DGAT2: variants seen among roughly 807,000 people sequenced by gnomAD.
DGAT2 encodes the protein diacylglycerol O-acyltransferase 2, also known as acyl-CoA retinol O-fatty-acyltransferase.
DGAT2 carries 33 observed loss-of-function variants against 48.4 expected under a neutral mutation model. The ratio of observed to expected loss-of-function variants is 0.68; its 90% CI spans 0.52 to 0.91. The LOEUF (loss-of-function observed/expected upper bound fraction) is 0.91. Ranked by LOEUF, DGAT2 falls within the 40% of genes least tolerant of loss-of-function variation. DGAT2 has a pLI of 0.00. For synonymous variants in DGAT2, 191 were observed against 194.1 expected (o/e 0.98, Z 0.13); for missense variants, 446 against 493.7 (o/e 0.90, Z 0.92).
intron 4 of DGAT2, chr11:75,794,902 TCTC>T (rs1945031379): frequency 6.7e-6 from 1 of 149,558 alleles, no homozygotes; most frequent in African/African-American, 2.5e-5. Context: ...TCTAGGAGTT[TCTC>T]TTCTTTTCCC....
intron 2 of DGAT2, among the ~76,000 whole-genome samples, chr11:75,787,426 T>C (rs1038755978): frequency 3.9e-5 from 6 of 152,228 alleles, no homozygotes; most frequent in African/African-American, 1.4e-4. Flanking sequence ...TTCCCTGCCA[T>C]TGAGCATCCA....
At position 75,800,654 on chromosome 11, in the gene DGAT2, T is replaced by A; in HGVS notation, c.*146T>A. 9.4e-7 allele frequency: 1 copy of A among 1,062,666 alleles called. No homozygotes were observed. Among genetic ancestry groups the A allele is most frequent in the Non-Finnish European group, 1.3e-6 (1 of 759,204 alleles). The allele number at this position is 1,062,666 out of a possible 1,614,324, so 65.8% of individuals were successfully genotyped here. A position where few individuals can be genotyped will look rare whatever the true frequency, so the allele number is the denominator to read the frequency against. On this transcript the variant is annotated 3_prime_UTR_variant, in exon 8 of 8. Coordinates refer to ENST00000228027, the MANE Select transcript of DGAT2 (RefSeq NM_032564.5). ...AACCATTACAATGTTAGGTCTTTTTTAAGAAGGAAAAAGTCAGTATTTCAA... is the reference window on the plus strand; with the variant it reads ...AACCATTACAATGTTAGGTCTTTTTAAAGAAGGAAAAAGTCAGTATTTCAA...
intron 1 of DGAT2, among the ~76,000 whole-genome samples, chr11:75,781,507 A>G (rs757249260): frequency 1.2e-4 from 19 of 152,236 alleles, no homozygotes; most frequent in Admixed American, 6.5e-4. Flanking sequence ...GCAGAGGTGC[A>G]GTCCTCCCAG....
At chr11:75,796,593 C>T (rs548140198) in intron 5 of DGAT2, 61 bp downstream of exon 5, 133 of 1,542,050 alleles carry the variant, frequency 8.6e-5, no homozygotes, top group Non-Finnish European at 1.1e-4. Flanking sequence ...GCCTCTCCAT[C>T]GGGCAGGGTG....
At chr11:75,778,672 A>G (rs1425906529) in intron 1 of DGAT2, among the ~76,000 whole-genome samples, 1 of 151,882 alleles carries the variant, frequency 6.6e-6, no homozygotes, top group Non-Finnish European at 1.5e-5. Context: ...ATCTCTACCA[A>G]AAATACAAAT....
At chr11:75,780,830 A>C (rs770008311) in intron 1 of DGAT2, among the ~76,000 whole-genome samples, 1 of 152,246 alleles carries the variant, frequency 6.6e-6, no homozygotes, top group Non-Finnish European at 1.5e-5. Flanking sequence ...CCAAACTCAC[A>C]GGAGTCCAAG....
At chr11:75,774,011 A>G (rs1010632571) in intron 1 of DGAT2, 2 of 152,324 alleles carry the variant, frequency 1.3e-5, no homozygotes, top group African/African-American at 4.8e-5. Context: ...TGAGTGACCA[A>G]CTGAGGCTGA....
intron 1 of DGAT2, among the ~76,000 whole-genome samples, chr11:75,782,754 T>C (rs1321679053): frequency 6.6e-6 from 1 of 152,240 alleles, no homozygotes; most frequent in African/African-American, 2.4e-5. Flanking sequence ...ACCCTCCGAC[T>C]GTGTCCTGTG....
rs774985524 is a variant in DGAT2 at position 75,790,261 on chromosome 11, TTGGC to T, written c.328_331del (p.Leu110CysfsTer35). The T allele has an allele frequency of 1.2e-6, 2 of 1,614,168 alleles. No individual in the cohort carries two copies. Among genetic ancestry groups the T allele is most frequent in the Non-Finnish European group, 1.7e-6 (2 of 1,180,010 alleles). On this transcript the variant is annotated frameshift_variant, in exon 3 of 8. Transcript: ENST00000228027. LOFTEE classifies it high-confidence loss of function. ...GGCTCATCGCTGTGCTCTACTTCAC[TTGGC>T]TGGTGTTTGACTGGAACACACCCAA...
rs547044248 is a variant in DGAT2, at chr11:75,777,201, T to G, written c.122-7417T>G. 5.9e-5 allele frequency among the ~76,000 whole-genome samples: 9 copies of G among 151,328 alleles called. No individual in the cohort carries two copies. The East Asian group carries it at 1.4e-3, about 23-fold the overall frequency. On this transcript the variant is annotated intron_variant, in intron 1 of 7. Transcript: ENST00000228027. ...GTTCACACCTCTCTTAGCTGGCATC[T>G]TTCTGGCTCTCTCACATTGATGCCA...
chr11:75,777,732 C>T (rs907742007), intron 1 of DGAT2, among the ~76,000 whole-genome samples: 1 of 152,114 alleles, frequency 6.6e-6, no homozygotes, highest in African/African-American at 2.4e-5. Flanking sequence ...GGGTGGAGGA[C>T]GCGGTGTGGG....
chr11:75,776,029 A>G (rs1233774576), intron 1 of DGAT2: 4 of 152,270 alleles, frequency 2.6e-5, no homozygotes, highest in African/African-American at 9.6e-5. Flanking sequence ...CTTAGAAAGC[A>G]CTGGTATGAA....
At chr11:75,790,575 G>C (rs1309924998) in intron 3 of DGAT2, 86 bp from the exon 4 acceptor site, 22 of 1,273,794 alleles carry the variant, frequency 1.7e-5, no homozygotes, top group Admixed American at 3.4e-5. Context: ...ATGGTCACCT[G>C]CTTGGGTTTC....
intron 1 of DGAT2, chr11:75,776,003 T>TG (rs1944799897): frequency 6.6e-6 from 1 of 152,150 alleles, no homozygotes; most frequent in Non-Finnish European, 1.5e-5. Flanking sequence ...GTGTGGAGCC[T>TG]GGGGTGTAAA....
At chr11:75,790,993 AGCTGGGCTGGT>A in intron 4 of DGAT2, among the ~76,000 whole-genome samples, 1 of 152,248 alleles carries the variant, frequency 6.6e-6, no homozygotes, top group Non-Finnish European at 1.5e-5. Context: ...CTGGTCTGCA[AGCTGGGCTGGT>A]GAGGCACAGC....
Position 75,800,409 on chromosome 11 carries a change from C to G in DGAT2, c.1068C>G (p.Asp356Glu), listed in dbSNP as rs962925099. 6.2e-7 allele frequency: 1 copy of G among 1,614,184 alleles called. No homozygotes were observed. The highest frequency in any genetic ancestry group is 1.1e-5 in the South Asian group (1 of 91,090). Residue 356 changes from aspartate (D) to glutamate (E), a missense_variant, in exon 8 of 8, where the codon GAC (aspartate) becomes GAG (glutamate). By Grantham distance (45) the Asp-to-Glu change is conservative. Transcript: ENST00000228027. ...KLEHPTQQDI[D>E]LYHTMYMEAL... Reference sequence around the variant, plus strand: ...AGCACCCAACCCAGCAAGACATCGACCTGTACCACACCATGTACATGGAGG... The same window carrying G: ...AGCACCCAACCCAGCAAGACATCGAGCTGTACCACACCATGTACATGGAGG...
intron 6 of DGAT2, among the ~76,000 whole-genome samples, chr11:75,797,718 C>G (rs1482928458): frequency 6.6e-6 from 1 of 152,116 alleles, no homozygotes; most frequent in Non-Finnish European, 1.5e-5. Context: ...TTACCTCAGG[C>G]TTTGGAAGAA....
intron 6 of DGAT2, 110 bp downstream of exon 6, chr11:75,797,442 GAGTC>G: frequency 8.1e-7 from 1 of 1,241,564 alleles, no homozygotes; most frequent in Admixed American, 3.0e-5. Flanking sequence ...GCATGGAAGG[GAGTC>G]AGTCATTCTG....
At chr11:75,772,041 C>T (rs1944762969) in intron 1 of DGAT2, among the ~76,000 whole-genome samples, 1 of 152,188 alleles carries the variant, frequency 6.6e-6, no homozygotes. Flanking sequence ...ATCCATCTCC[C>T]AGTCTGTGGC....
Sources: gnomAD v4.1 joint callset for allele counts (sites outside exome capture counted in the v4.1 genomes callset) on GRCh38, gnomAD v4.1.1 for gene constraint, MANE v1.5 for transcripts, NCBI Gene and HGNC (gene_info 2026-07-23, HGNC 2026-07-21) for gene names.